The following TTC28 variants were observed in gnomAD, a reference collection of about 807,000 sequenced individuals.
TTC28 encodes tetratricopeptide repeat domain 28, also known as tetratricopeptide repeat protein 28.
In TTC28, 61 loss-of-function variants were observed where a neutral mutation model predicts 198.0. The ratio of observed to expected loss-of-function variants is 0.31; its 90% CI spans 0.25 to 0.38. The LOEUF is 0.38. Ranked by LOEUF, TTC28 falls within the 10% of genes least tolerant of loss-of-function variation. TTC28 has a pLI of 1.00. For synonymous variants in TTC28, 1,171 were observed against 1,297.8 expected (o/e 0.90, Z 2.10); for missense variants, 2,678 against 3,164.0 (o/e 0.85, Z 3.69).
chr22:28,077,597 G>A (rs979437459), intron 12 of TTC28, among the ~76,000 whole-genome samples: 41 of 152,260 alleles, frequency 2.7e-4, no homozygotes, highest in African/African-American at 7.0e-4. Flanking sequence ...AATATTTGCC[G>A]CTTGTTATCA....
At chr22:28,048,994 A>C (rs1939973481) in intron 12 of TTC28, among the ~76,000 whole-genome samples, 1 of 152,162 alleles carries the variant, frequency 6.6e-6, no homozygotes, top group Non-Finnish European at 1.5e-5. Flanking sequence ...AGCAGCACCT[A>C]CTAGGTGAAT....
chr22:28,307,571 C>A (rs969173515), intron 2 of TTC28, among the ~76,000 whole-genome samples: 1 of 152,086 alleles, frequency 6.6e-6, no homozygotes, highest in African/African-American at 2.4e-5. Flanking sequence ...AGCCACTGCA[C>A]CCAGCCTGCA....
At chr22:28,115,846 A>G (rs1188310799) in intron 6 of TTC28, among the ~76,000 whole-genome samples, 1 of 152,128 alleles carries the variant, frequency 6.6e-6, no homozygotes, top group Non-Finnish European at 1.5e-5. Context: ...CCAGATCCCA[A>G]TTGCCCTTCC....
intron 5 of TTC28, among the ~76,000 whole-genome samples, chr22:28,293,722 A>G (rs191301070): frequency 3.3e-5 from 5 of 152,346 alleles, no homozygotes; most frequent in Admixed American, 2.6e-4. Flanking sequence ...AGAAAAATAC[A>G]TTAATTTCTC....
chr22:28,357,970 T>C (rs2046103786), intron 2 of TTC28, among the ~76,000 whole-genome samples: 1 of 152,182 alleles, frequency 6.6e-6, no homozygotes, highest in South Asian at 2.1e-4. Context: ...GGCTAGGAAA[T>C]ACCAAAATCA....
intron 5 of TTC28, among the ~76,000 whole-genome samples, chr22:28,282,476 T>C (rs1401190549): frequency 6.6e-6 from 1 of 152,214 alleles, no homozygotes; most frequent in Admixed American, 6.5e-5. Flanking sequence ...CTAGCCACAT[T>C]AGGCTATTTT....
intron 2 of TTC28, among the ~76,000 whole-genome samples, chr22:28,364,687 A>G (rs1256173200): frequency 1.3e-5 from 2 of 152,210 alleles, no homozygotes; most frequent in African/African-American, 2.4e-5. Flanking sequence ...ACTTCAGCAG[A>G]GGAAGTATTA....
At chr22:28,255,977 A>G (rs138520106) in intron 5 of TTC28, among the ~76,000 whole-genome samples, 44 of 152,318 alleles carry the variant, frequency 2.9e-4, no homozygotes, top group Admixed American at 2.0e-3. Context: ...TAATATGACT[A>G]CATATATTTT....
rs950330390 is a variant in TTC28 at position 27,985,477 on chromosome 22, T to G, written c.5708-121A>C. On this transcript the variant is annotated intron_variant, in intron 21 of 22. Coordinates refer to ENST00000397906, the MANE Select transcript of TTC28 (RefSeq NM_001145418.2). Reference sequence around the variant, plus strand: ...TGCCTGCAAGGCCCTTCAGCAAGCATTTGGGCCTGGGGCTTCCCCATGTCT... The same window carrying G: ...TGCCTGCAAGGCCCTTCAGCAAGCAGTTGGGCCTGGGGCTTCCCCATGTCT... 2.1e-5 allele frequency: 16 copies of G among 774,192 alleles called. No homozygotes were observed. The South Asian group carries it at 2.7e-4, about 13-fold the overall frequency. 48.0% of individuals were successfully genotyped at this position (774,192 alleles called of 1,614,324 possible). A position where few individuals can be genotyped will look rare whatever the true frequency, so the allele number is the denominator to read the frequency against.
At chr22:28,592,977 G>T (rs2050461035) in intron 2 of TTC28, among the ~76,000 whole-genome samples, 2 of 152,082 alleles carry the variant, frequency 1.3e-5, no homozygotes, top group African/African-American at 2.4e-5. Flanking sequence ...TTTAGATTTG[G>T]GTTAGATTTT....
intron 2 of TTC28, among the ~76,000 whole-genome samples, chr22:28,487,591 T>C (rs2048328104): frequency 1.3e-5 from 2 of 152,192 alleles, no homozygotes; most frequent in Admixed American, 6.5e-5. Flanking sequence ...TAAACTGTTT[T>C]TATTCTTGCC....
At chr22:28,241,812 T>C (rs775503460) in intron 5 of TTC28, among the ~76,000 whole-genome samples, 1 of 152,108 alleles carries the variant, frequency 6.6e-6, no homozygotes, top group Non-Finnish European at 1.5e-5. Context: ...GTTATGACAA[T>C]GTAACAAAGT....
At chr22:28,158,919 A>AT (rs1405945254) in intron 6 of TTC28, among the ~76,000 whole-genome samples, 8 of 152,210 alleles carry the variant, frequency 5.3e-5, no homozygotes. Context: ...AAGTGGGATC[A>AT]TATCAAGTTA....
intron 5 of TTC28, among the ~76,000 whole-genome samples, chr22:28,187,823 A>C (rs1240321063): frequency 6.6e-6 from 1 of 152,224 alleles, no homozygotes; most frequent in Non-Finnish European, 1.5e-5. Flanking sequence ...TCTGCATAAC[A>C]ATGCCCACTG....
At chr22:28,612,629 C>T (rs768204942) in intron 2 of TTC28, among the ~76,000 whole-genome samples, 3 of 152,150 alleles carry the variant, frequency 2.0e-5, no homozygotes, top group Non-Finnish European at 2.9e-5. Context: ...TCATAACAAA[C>T]AGTCTCTCGG....
chr22:28,651,252 G>C (rs2051558927), intron 1 of TTC28, among the ~76,000 whole-genome samples: 1 of 152,070 alleles, frequency 6.6e-6, no homozygotes, highest in Non-Finnish European at 1.5e-5. Context: ...TCCCACCTTG[G>C]CCTCCCAAAG....
chr22:28,603,961 T>C (rs1024877492), intron 2 of TTC28, among the ~76,000 whole-genome samples: 1 of 152,102 alleles, frequency 6.6e-6, no homozygotes, highest in Non-Finnish European at 1.5e-5. Context: ...ATCTATCTTA[T>C]CACTTTAAAA....
At chr22:28,156,552 T>G (rs866338931) in intron 6 of TTC28, among the ~76,000 whole-genome samples, 2 of 152,194 alleles carry the variant, frequency 1.3e-5, no homozygotes, top group African/African-American at 2.4e-5. Context: ...CTAAGGCAGA[T>G]GGCAAGAGGA....
Position 27,993,353 on chromosome 22 carries a change from AGAC to A in TTC28, c.5407_5409del (p.Val1803del). The A allele has an allele frequency of 6.4e-7, 1 of 1,550,782 alleles. No homozygotes were observed. The highest frequency in any genetic ancestry group is 8.7e-7 in the Non-Finnish European group (1 of 1,146,938). ...TCGCCCGGGTCGGAGGTTGGGAAGA[AGAC>A]AGCCGCTGGCAGGCCACTGGTTGGG... On this transcript the variant is annotated inframe_deletion, in exon 18 of 23. Transcript: ENST00000397906.
Sources: allele counts gnomAD v4.1 joint callset (sites outside exome capture counted in the v4.1 genomes callset), GRCh38; gene constraint gnomAD v4.1.1; transcripts MANE v1.5; gene names NCBI Gene and HGNC (gene_info 2026-07-23, HGNC 2026-07-21).